Variants in IPCEF1 observed in about 807,000 individuals in gnomAD.
IPCEF1 encodes the protein interaction protein for cytohesin exchange factors 1.
In IPCEF1, 31 loss-of-function variants were observed where a neutral mutation model predicts 50.9. The ratio of observed to expected loss-of-function variants is 0.61; its 90% CI spans 0.46 to 0.82. IPCEF1 has a LOEUF of 0.82. IPCEF1 is among the 40% of genes least tolerant of loss of function. The pLI is 0.00. For synonymous variants in IPCEF1, 181 were observed against 192.0 expected (o/e 0.94, Z 0.47); for missense variants, 458 against 514.0 (o/e 0.89, Z 1.05).
In IPCEF1 at chr6:154,310,992, T is replaced by TA. The variant is rs540186602; in HGVS notation, c.-61-21237dup. Among the ~76,000 whole-genome samples, 8 of 152,234 alleles carry TA rather than the reference T, an allele frequency of 5.3e-5. No homozygotes were observed. In the South Asian group the frequency reaches 1.7e-3, roughly 32 times the overall value. On this transcript the variant is annotated intron_variant, in intron 1 of 11. Transcript: ENST00000367220. ...AATGTATTGTATATTGCAGAATTGT[T>TA]AAAAGAATTTATTTTTAAAGTCCTC...
chr6:154,241,009 G>A lies in IPCEF1; in HGVS notation c.246+5582C>T, dbSNP rs375494306. 2.6e-4 allele frequency among the ~76,000 whole-genome samples: 39 copies of A among 152,122 alleles called. No individual in the cohort carries two copies. The East Asian group carries it at 6.2e-3, about 24-fold the overall frequency. On this transcript the variant is annotated intron_variant, in intron 5 of 11. Coordinates refer to ENST00000367220, the MANE Select transcript of IPCEF1 (RefSeq NM_001130700.2). ...TCCCAGCACTTTGGGAGACTGAGGC[G>A]GGCAAATCATGAGGTCAAGAGATCG...
At chr6:154,294,013 TA>T (rs1782576339) in intron 1 of IPCEF1, among the ~76,000 whole-genome samples, 1 of 152,194 alleles carries the variant, frequency 6.6e-6, no homozygotes, top group Non-Finnish European at 1.5e-5. Context: ...TCCTAAGAAA[TA>T]AAGACTGATG....
chr6:154,295,877 A>G (rs1442433481), intron 1 of IPCEF1, among the ~76,000 whole-genome samples: 1 of 139,842 alleles, frequency 7.2e-6, no homozygotes, highest in African/African-American at 2.8e-5. Flanking sequence ...GCACACACAC[A>G]CACACACACA....
At chr6:154,240,411 C>T (rs935431660) in intron 5 of IPCEF1, among the ~76,000 whole-genome samples, 6 of 152,078 alleles carry the variant, frequency 3.9e-5, no homozygotes, top group Admixed American at 6.5e-5. Flanking sequence ...TGTAAACTCA[C>T]TCAGACATTT....
rs570496628 is a variant in IPCEF1, at chr6:154,315,832, T to TG, written c.-61-26077dup. ...CAAAATTAAAATGTGCAATTTTTTT[T>TG]GGGGGGGAGCGGTGGTGGACAGTCT... On this transcript the variant is annotated intron_variant, in intron 1 of 11. Coordinates refer to ENST00000367220, the MANE Select transcript of IPCEF1 (RefSeq NM_001130700.2). Among the ~76,000 whole-genome samples the TG allele has an allele frequency of 1.7e-3, 249 of 147,466 alleles. 3 individuals carry two copies. Among genetic ancestry groups the TG allele is most frequent in the African/African-American group, 6.2e-3 (231 of 37,450 alleles).
At chr6:154,340,444 T>C (rs921643996) in intron 1 of IPCEF1, among the ~76,000 whole-genome samples, 16 of 151,390 alleles carry the variant, frequency 1.1e-4, no homozygotes, top group African/African-American at 3.9e-4. Flanking sequence ...TAGAGACAGG[T>C]TTTGCCATGT....
At chr6:154,301,116 A>T (rs1782784524) in intron 1 of IPCEF1, among the ~76,000 whole-genome samples, 1 of 152,216 alleles carries the variant, frequency 6.6e-6, no homozygotes, top group African/African-American at 2.4e-5. Context: ...TATATGCTGT[A>T]TTTAAATTTT....
chr6:154,336,751 G>A (rs796718745), intron 1 of IPCEF1, among the ~76,000 whole-genome samples: 17 of 152,220 alleles, frequency 1.1e-4, no homozygotes, highest in African/African-American at 3.9e-4. Flanking sequence ...CTACAAGCAT[G>A]TGCCACCATG....
intron 1 of IPCEF1, among the ~76,000 whole-genome samples, chr6:154,354,648 C>A (rs1784184792): frequency 6.6e-6 from 1 of 152,110 alleles, no homozygotes; most frequent in Admixed American, 6.6e-5. Context: ...CCCCCTTTAT[C>A]TCCACCTCCA....
Position 154,273,707 on chromosome 6 carries a change from T to C in IPCEF1, c.-17-7743A>G, listed in dbSNP as rs199536813. On this transcript the variant is annotated intron_variant, in intron 2 of 11. Transcript: ENST00000367220. ...ATTATTTTAAGCTTTTTTCTTTTTT[T>C]CTTTCTTTCTTTCTTTCTTTTTTTT... 3.6e-3 allele frequency among the ~76,000 whole-genome samples: 125 copies of C among 34,468 alleles called. 6 individuals are homozygous for C. The highest frequency in any genetic ancestry group is 0.013 in the Admixed American group (25 of 1,906). The allele number at this position is 34,468 out of a possible 152,430, so 22.6% of individuals were successfully genotyped here. A position where few individuals can be genotyped will look rare whatever the true frequency, so the allele number is the denominator to read the frequency against.
chr6:154,324,007 T>C (rs908474536), intron 1 of IPCEF1, among the ~76,000 whole-genome samples: 1 of 152,208 alleles, frequency 6.6e-6, no homozygotes, highest in Non-Finnish European at 1.5e-5. Context: ...ACTGATCACA[T>C]TGAAAGTTTT....
chr6:154,265,948 C>G lies in IPCEF1; in HGVS notation c.-1G>C. The G allele has an allele frequency of 1.3e-6, 2 of 1,598,558 alleles. No individual in the cohort carries two copies. The highest frequency in any genetic ancestry group is 1.7e-6 in the Non-Finnish European group (2 of 1,170,864). Reference sequence around the variant, plus strand: ...CATCAATAGCCATGTATGATGTCATCTTAGTAGAAACAAAAGCTAGAAGAG... The same window carrying G: ...CATCAATAGCCATGTATGATGTCATGTTAGTAGAAACAAAAGCTAGAAGAG... On this transcript the variant is annotated 5_prime_UTR_variant, in exon 3 of 12. Transcript: ENST00000367220.
chr6:154,263,960 C>G (rs1268077284), intron 3 of IPCEF1, among the ~76,000 whole-genome samples: 27 of 132,180 alleles, frequency 2.0e-4, no homozygotes, highest in Non-Finnish European at 3.4e-4. Context: ...CGGGCAGAGG[C>G]GCCCCTCACT....
At chr6:154,203,821 A>G (rs1777267927) in intron 9 of IPCEF1, among the ~76,000 whole-genome samples, 1 of 152,178 alleles carries the variant, frequency 6.6e-6, no homozygotes, top group Admixed American at 6.5e-5. Context: ...GGCCAGAACC[A>G]GCTTTGTGAA....
intron 1 of IPCEF1, among the ~76,000 whole-genome samples, chr6:154,352,461 A>T (rs1337038730): frequency 6.6e-6 from 1 of 152,052 alleles, no homozygotes; most frequent in East Asian, 1.9e-4. Flanking sequence ...CTTTTGAAAG[A>T]CTCATCCACA....
chr6:154,199,854 C>A lies in IPCEF1; in HGVS notation c.724G>T (p.Ala242Ser), dbSNP rs1375520688. 4 of 1,614,216 alleles carry A rather than the reference C, an allele frequency of 2.5e-6. No individual in the cohort carries two copies. The East Asian group carries it at 8.9e-5, about 36-fold the overall frequency. ...AEDEGQPITF[A>S]VQVHSPVPSE... The stretch of plus-strand genomic sequence containing the variant: ...GGTACAGGTGAATGAACTTGCACAG[C>A]AAACGTTATTGGTTGTCCCTCATCT... The change falls in exon 10 of 12, where the codon GCT becomes TCT. Residue 242 changes from alanine (A) to serine (S), a missense_variant. Ala to Ser is a moderately conservative substitution (Grantham distance 99). Transcript: ENST00000367220.
intron 10 of IPCEF1, among the ~76,000 whole-genome samples, chr6:154,172,142 A>G (rs1799924027): frequency 1.3e-5 from 2 of 152,252 alleles, no homozygotes; most frequent in African/African-American, 2.4e-5. Context: ...GTTTGTAATT[A>G]TGTCACAGTA....
Position 154,158,460 on chromosome 6 carries a change from T to A in IPCEF1, c.*1368A>T, listed in dbSNP as rs867011331. ...GCCTTTGGTCTAAGGTTTGCAGGCA[T>A]AAATGGCACAAAGCTTAAAGTTTAT... On this transcript the variant is annotated 3_prime_UTR_variant, in exon 12 of 12. Coordinates refer to ENST00000367220, the MANE Select transcript of IPCEF1 (RefSeq NM_001130700.2). The A allele has an allele frequency of 6.6e-6, 1 of 152,336 alleles. No homozygotes were observed. The highest frequency in any genetic ancestry group is 3.4e-3 in the Middle Eastern group (1 of 294). The allele number at this position is 152,336 out of a possible 1,614,324, so 9.4% of individuals were successfully genotyped here.
chr6:154,312,971 G>A (rs778178627), intron 1 of IPCEF1, among the ~76,000 whole-genome samples: 7 of 149,890 alleles, frequency 4.7e-5, no homozygotes, highest in Non-Finnish European at 8.9e-5. Flanking sequence ...TAACACTTTC[G>A]GAGGGTAAGG....
Sources: gnomAD v4.1 joint callset for allele counts (sites outside exome capture counted in the v4.1 genomes callset) on GRCh38, gnomAD v4.1.1 for gene constraint, MANE v1.5 for transcripts, NCBI Gene and HGNC (gene_info 2026-07-23, HGNC 2026-07-21) for gene names.